Variants in PSTPIP2 observed in about 807,000 individuals in gnomAD.
PSTPIP2 encodes proline-serine-threonine phosphatase-interacting protein 2.
A neutral mutation model predicts 63.3 loss-of-function variants in PSTPIP2; 33 were observed. The observed-to-expected ratio is 0.52, with a 90% CI of 0.40 to 0.70. PSTPIP2 has a LOEUF of 0.70. PSTPIP2 is among the 30% of genes least tolerant of loss of function. The pLI is 0.00. For synonymous variants in PSTPIP2, 125 were observed against 132.7 expected (o/e 0.94, Z 0.40); for missense variants, 312 against 400.7 (o/e 0.78, Z 1.89).
chr18:46,043,396 GAA>G (rs558608029), intron 1 of PSTPIP2, among the ~76,000 whole-genome samples: 1 of 128,030 alleles, frequency 7.8e-6, no homozygotes, highest in Admixed American at 7.8e-5. Flanking sequence ...GTCTCAAAAT[GAA>G]AAAAAAAAAG....
At chr18:46,023,797 G>A (rs1272109974) in intron 3 of PSTPIP2, among the ~76,000 whole-genome samples, 2 of 151,792 alleles carry the variant, frequency 1.3e-5, no homozygotes, top group East Asian at 3.9e-4. Context: ...GGGACAAATA[G>A]GACATTGCCC....
intron 6 of PSTPIP2, among the ~76,000 whole-genome samples, chr18:46,004,856 T>C (rs2051707679): frequency 6.6e-6 from 1 of 152,240 alleles, no homozygotes; most frequent in Non-Finnish European, 1.5e-5. Flanking sequence ...ATCCCATTAC[T>C]GGGTATACAC....
At chr18:46,056,527 G>A (rs1049315151) in intron 1 of PSTPIP2, among the ~76,000 whole-genome samples, 5 of 152,056 alleles carry the variant, frequency 3.3e-5, no homozygotes, top group African/African-American at 9.7e-5. Flanking sequence ...AGGAGTTTGA[G>A]ACTAGTCTGG....
intron 2 of PSTPIP2, 68 bp from the exon 3 acceptor site, chr18:46,024,754 C>G: frequency 7.5e-7 from 1 of 1,338,628 alleles, no homozygotes; most frequent in South Asian, 1.2e-5. Context: ...CACAATGACC[C>G]TCCCTTGGAA....
At chr18:46,031,965 C>T (rs1297150208) in intron 2 of PSTPIP2, among the ~76,000 whole-genome samples, 1 of 152,148 alleles carries the variant, frequency 6.6e-6, no homozygotes, top group Non-Finnish European at 1.5e-5. Flanking sequence ...CAGGGAACAA[C>T]CACTGAGGTT....
At chr18:45,999,219 C>A (rs903978310) in intron 7 of PSTPIP2, among the ~76,000 whole-genome samples, 3 of 152,162 alleles carry the variant, frequency 2.0e-5, no homozygotes, top group Non-Finnish European at 4.4e-5. Context: ...CCTCTTATCA[C>A]CCCATCTCCC....
rs1173716926 is a variant in PSTPIP2, at chr18:45,997,745, G to A, written c.642+4C>T. Reference sequence around the variant, plus strand: ...AGTCCTGAGCAGCTTCCGGTTACGGGTACCTCGCAGGCCTTGATGTGCTCA... The same window carrying A: ...AGTCCTGAGCAGCTTCCGGTTACGGATACCTCGCAGGCCTTGATGTGCTCA... On this transcript the variant is annotated splice_donor_region_variant and intron_variant, in intron 9 of 14. Transcript: ENST00000409746. 1.3e-5 allele frequency: 20 copies of A among 1,536,474 alleles called. No homozygotes were observed. Among genetic ancestry groups the A allele is most frequent in the Non-Finnish European group, 1.8e-5 (20 of 1,140,576 alleles).
At chr18:46,021,697 G>A (rs1907358890) in intron 3 of PSTPIP2, among the ~76,000 whole-genome samples, 1 of 151,402 alleles carries the variant, frequency 6.6e-6, no homozygotes, top group Admixed American at 6.6e-5. Context: ...TGTAATCCCA[G>A]CACTTTGGGA....
intron 1 of PSTPIP2, among the ~76,000 whole-genome samples, chr18:46,045,194 A>G (rs528190800): frequency 1.3e-5 from 2 of 152,342 alleles, no homozygotes; most frequent in South Asian, 4.1e-4. Flanking sequence ...TCATGCTGCT[A>G]TAAAGACACA....
intron 1 of PSTPIP2, chr18:46,041,095 C>A (rs764800362): frequency 3.5e-5 from 16 of 456,132 alleles, no homozygotes; most frequent in Non-Finnish European, 5.3e-5. Context: ...TCAAGGGTAT[C>A]TCTACAAAAG....
chr18:46,026,717 T>TTAAA (rs1907592137), intron 2 of PSTPIP2, among the ~76,000 whole-genome samples: 1 of 151,784 alleles, frequency 6.6e-6, no homozygotes, highest in African/African-American at 2.4e-5. Context: ...CTCTACAAAA[T>TTAAA]TAAATAAATA....
At chr18:46,045,543 G>A (rs535808258) in intron 1 of PSTPIP2, among the ~76,000 whole-genome samples, 1 of 152,086 alleles carries the variant, frequency 6.6e-6, no homozygotes, top group Non-Finnish European at 1.5e-5. Context: ...GATAGCTTTA[G>A]GAGATATACC....
chr18:46,006,844 G>A (rs191076349), intron 5 of PSTPIP2, among the ~76,000 whole-genome samples: 1 of 152,268 alleles, frequency 6.6e-6, no homozygotes, highest in Admixed American at 6.5e-5. Flanking sequence ...GCACTTACGC[G>A]CTAAGCAGTT....
At chr18:46,069,274 T>C (rs1378204361) in intron 1 of PSTPIP2, among the ~76,000 whole-genome samples, 2 of 152,200 alleles carry the variant, frequency 1.3e-5, no homozygotes, top group Non-Finnish European at 2.9e-5. Context: ...TTTTTTCTCA[T>C]TGTGGCCTGG....
intron 3 of PSTPIP2, among the ~76,000 whole-genome samples, chr18:46,020,311 T>A (rs141003015): frequency 1.3e-5 from 2 of 152,254 alleles, no homozygotes; most frequent in East Asian, 3.9e-4. Context: ...TAGATTTGAG[T>A]CTCTCAGGGT....
At chr18:46,028,629 T>G in intron 2 of PSTPIP2, 1 of 802,736 alleles carries the variant, frequency 1.2e-6, no homozygotes, top group Non-Finnish European at 2.2e-6. Context: ...GAAGCCAATT[T>G]GGGTGGATGA....
At chr18:45,996,913 C>T (rs1044733166) in intron 9 of PSTPIP2, among the ~76,000 whole-genome samples, 1 of 152,158 alleles carries the variant, frequency 6.6e-6, no homozygotes, top group East Asian at 1.9e-4. Context: ...CAGAGTGAGA[C>T]CCAGACTCAA....
At chr18:46,055,374 C>T (rs1908719690) in intron 1 of PSTPIP2, among the ~76,000 whole-genome samples, 1 of 152,198 alleles carries the variant, frequency 6.6e-6, no homozygotes, top group Non-Finnish European at 1.5e-5. Context: ...CTCTGCTACC[C>T]AGGCTGGAGT....
At chr18:46,035,756 G>A (rs1423913676) in intron 2 of PSTPIP2, among the ~76,000 whole-genome samples, 1 of 152,162 alleles carries the variant, frequency 6.6e-6, no homozygotes, top group African/African-American at 2.4e-5. Context: ...CACAGGGGTT[G>A]TATGAGACCC....
Sources: gnomAD v4.1 joint callset for allele counts (sites outside exome capture counted in the v4.1 genomes callset) on GRCh38, gnomAD v4.1.1 for gene constraint, MANE v1.5 for transcripts, NCBI Gene and HGNC (gene_info 2026-07-23, HGNC 2026-07-21) for gene names.